Variants in RBM6 observed in about 807,000 individuals in gnomAD.
RBM6 encodes the protein RNA binding motif protein 6.
Under a neutral mutation model 140.4 loss-of-function variants are expected in RBM6, and 23 were observed. That is an observed-to-expected ratio of 0.16 (90% confidence interval 0.12 to 0.23). The LOEUF (loss-of-function observed/expected upper bound fraction) is 0.23. Among genes scored for constraint, RBM6 ranks in the 10% least tolerant of loss-of-function variants. RBM6 has a pLI of 1.00. For synonymous variants in RBM6, 439 were observed against 475.6 expected, an observed-to-expected ratio of 0.92 and a Z score of 1.00; for missense variants, 1,139 against 1,386.7, an observed-to-expected ratio of 0.82 and a Z score of 2.84.
At chr3:50,026,555 A>G (rs1279687143) in intron 6 of RBM6, among the ~76,000 whole-genome samples, 2 of 149,588 alleles carry the variant, frequency 1.3e-5, no homozygotes, top group East Asian at 3.9e-4. Flanking sequence ...AATTTTTTGT[A>G]TTTTTAGTAA....
Position 49,992,390 on chromosome 3 carries a change from T to C in RBM6, c.1484-7050T>C, listed in dbSNP as rs769053547. Among the ~76,000 whole-genome samples the C allele has an allele frequency of 4.6e-5, 7 of 152,202 alleles. 1 individual carries two copies. Among genetic ancestry groups the C allele is most frequent in the African/African-American group, 9.6e-5 (4 of 41,454 alleles). ...ATGTAATCTATGGAGGCAGCAGATA[T>C]GTTGTTAGTATACACTAGAAGTCAG... On this transcript the variant is annotated intron_variant, in intron 5 of 20. Coordinates refer to ENST00000266022, the MANE Select transcript of RBM6 (RefSeq NM_005777.3).
At chr3:49,983,863 C>T (rs142500578) in intron 5 of RBM6, among the ~76,000 whole-genome samples, 1,958 of 152,208 alleles carry the variant, frequency 0.013, 34 homozygotes, top group South Asian at 0.046. Flanking sequence ...AGTGGATGGA[C>T]GCTTTGGCTG....
intron 5 of RBM6, among the ~76,000 whole-genome samples, chr3:49,989,824 G>T (rs2085734894): frequency 6.6e-6 from 1 of 152,060 alleles, no homozygotes; most frequent in Admixed American, 6.6e-5. Flanking sequence ...TCGATTCACT[G>T]TAGCCTCCGC....
At chr3:50,054,873 G>A (rs757488775) in intron 8 of RBM6, among the ~76,000 whole-genome samples, 10 of 152,104 alleles carry the variant, frequency 6.6e-5, no homozygotes, top group Non-Finnish European at 1.5e-4. Context: ...ACCCAGGCTG[G>A]AGTGCAGTGG....
At chr3:50,010,767 G>A (rs535442939) in intron 6 of RBM6, among the ~76,000 whole-genome samples, 2 of 151,718 alleles carry the variant, frequency 1.3e-5, no homozygotes, top group South Asian at 2.1e-4. Flanking sequence ...GCCCAGCATG[G>A]TGGTGTGTTC....
At chr3:49,964,967 C>T (rs182437773) in intron 2 of RBM6, among the ~76,000 whole-genome samples, 43 of 152,230 alleles carry the variant, frequency 2.8e-4, no homozygotes, top group Admixed American at 1.2e-3. Flanking sequence ...TTTTTGGGAA[C>T]TAATTTGAAC....
chr3:50,045,182 T>G (rs1454483049), intron 6 of RBM6, among the ~76,000 whole-genome samples: 1 of 152,190 alleles, frequency 6.6e-6, no homozygotes, highest in Non-Finnish European at 1.5e-5. Flanking sequence ...CTGGAACATT[T>G]TTGTTGTCTG....
At chr3:49,994,669 G>T (rs944667445) in intron 5 of RBM6, among the ~76,000 whole-genome samples, 4 of 148,266 alleles carry the variant, frequency 2.7e-5, no homozygotes, top group Middle Eastern at 3.5e-3. Context: ...AAGGCTGTGG[G>T]GTGTGTGTGT....
At position 49,975,331 on chromosome 3, in the gene RBM6, T is replaced by C. The variant is rs760396754; in HGVS notation, c.1422T>C (p.Asn474=). 7 of 1,612,740 alleles carry C rather than the reference T, an allele frequency of 4.3e-6. No individual in the cohort carries two copies. The highest frequency in any genetic ancestry group is 5.9e-6 in the Non-Finnish European group (7 of 1,178,818). ...ATGCCATATTTTTGCAGATTCTTAA[T>C]GCTTTTCGGACTCCTGATGGCATGC... ...PEDATKEEIL[N]AFRTPDGMPV... The change falls in exon 5 of 21, where the codon AAT becomes AAC. Residue 474 remains asparagine, a synonymous_variant. Transcript: ENST00000266022.
At chr3:50,040,468 AAAAATATATAT>A (rs2088831826) in intron 6 of RBM6, among the ~76,000 whole-genome samples, 3 of 29,914 alleles carry the variant, frequency 1.0e-4, no homozygotes, top group Non-Finnish European at 1.3e-4. Flanking sequence ...AAAAAAAAAA[AAAAATATATAT>A]ATATATATAT....
At chr3:49,951,074 T>C (rs2083707898) in intron 1 of RBM6, among the ~76,000 whole-genome samples, 1 of 152,200 alleles carries the variant, frequency 6.6e-6, no homozygotes, top group Non-Finnish European at 1.5e-5. Flanking sequence ...GAGGATATTA[T>C]GCTAAGTGAA....
In RBM6 at chr3:49,968,260, G is replaced by A. The variant is rs2084600115; in HGVS notation, c.835G>A (p.Glu279Lys). ...FRGREMGSCM[E>K]FKDREMPPVD... The stretch of plus-strand genomic sequence containing the variant: ...GGGCAGAGAGATGGGATCTTGTATG[G>A]AATTTAAAGATAGGGAGATGCCCCC... Residue 279 changes from glutamate to lysine, a missense_variant, in exon 3 of 21, where the codon GAA becomes AAA. By Grantham distance (56) the Glu-to-Lys change is moderately conservative (BLOSUM62 1). Transcript: ENST00000266022. 6.2e-7 allele frequency: 1 copy of A among 1,613,978 alleles called. No individual in the cohort carries two copies. The highest frequency in any genetic ancestry group is 1.7e-5 in the Admixed American group (1 of 59,992).
At chr3:49,945,692 C>T (rs1452404706) in intron 1 of RBM6, among the ~76,000 whole-genome samples, 1 of 151,872 alleles carries the variant, frequency 6.6e-6, no homozygotes, top group African/African-American at 2.4e-5. Context: ...ACCATCCTGG[C>T]CAACACGGTG....
At chr3:49,958,838 G>A (rs1471881522) in intron 1 of RBM6, among the ~76,000 whole-genome samples, 1 of 144,204 alleles carries the variant, frequency 6.9e-6, no homozygotes, top group East Asian at 2.0e-4. Flanking sequence ...CCTGGCTGGA[G>A]TGCTGAGTGC....
intron 5 of RBM6, among the ~76,000 whole-genome samples, chr3:49,993,885 T>C (rs1415696960): frequency 6.6e-6 from 1 of 152,052 alleles, no homozygotes; most frequent in Non-Finnish European, 1.5e-5. Context: ...GAGGTTGCAG[T>C]GGGCCGAGAT....
chr3:49,960,442 A>G (rs994146460), intron 1 of RBM6, among the ~76,000 whole-genome samples: 7 of 151,986 alleles, frequency 4.6e-5, no homozygotes, highest in Non-Finnish European at 1.0e-4. Flanking sequence ...AGACCTTGAA[A>G]CTTCCTAGTC....
At chr3:50,056,582 C>T (rs2089711139) in intron 8 of RBM6, among the ~76,000 whole-genome samples, 1 of 152,164 alleles carries the variant, frequency 6.6e-6, no homozygotes, top group African/African-American at 2.4e-5. Flanking sequence ...GCGTGAGCCA[C>T]CGCTCCCGGC....
Position 50,043,487 on chromosome 3 carries a change from C to CAAAA in RBM6, c.1558-4749_1558-4746dup, listed in dbSNP as rs11434039. Reference sequence around the variant, plus strand: ...TGGGCAACAGAGCAAGACCCTGTCTCAAAAAAAAAAAAGAGAGATCTATCT... The same window carrying CAAAA: ...TGGGCAACAGAGCAAGACCCTGTCTCAAAAAAAAAAAAAAAAGAGAGATCTATCT... On this transcript the variant is annotated intron_variant, in intron 6 of 20. Transcript: ENST00000266022. 3.3e-4 allele frequency among the ~76,000 whole-genome samples: 47 copies of CAAAA among 141,364 alleles called. 1 individual carries two copies. In the South Asian group the frequency reaches 6.8e-3, roughly 20 times the overall value. The allele number at this position is 141,364 out of a possible 152,430, so 92.7% of individuals were successfully genotyped here.
chr3:50,036,170 C>T (rs555432894), intron 6 of RBM6, among the ~76,000 whole-genome samples: 2 of 152,256 alleles, frequency 1.3e-5, no homozygotes, highest in African/African-American at 2.4e-5. Flanking sequence ...GCTGGGATTA[C>T]AGGCATGAGC....
Sources: gnomAD v4.1 joint callset for allele counts (sites outside exome capture counted in the v4.1 genomes callset) on GRCh38, gnomAD v4.1.1 for gene constraint, MANE v1.5 for transcripts, NCBI Gene and HGNC (gene_info 2026-07-23, HGNC 2026-07-21) for gene names.